MOK: variants seen among roughly 807,000 people sequenced by gnomAD.
The protein encoded by MOK is MOK protein kinase.
MOK carries 59 observed loss-of-function variants against 54.2 expected under a neutral mutation model. The ratio of observed to expected loss-of-function variants is 1.09; its 90% CI spans 0.88 to 1.35. The LOEUF is 1.35. Among genes scored for constraint, MOK ranks in the 40% most tolerant of loss-of-function variants. MOK has a pLI of 0.00. For synonymous variants in MOK, 210 were observed against 202.7 expected (o/e 1.04, Z -0.31); for missense variants, 517 against 526.2 (o/e 0.98, Z 0.17).
chr14:102,292,200 G>A (rs2070831061), intron 1 of MOK, among the ~76,000 whole-genome samples: 1 of 152,060 alleles, frequency 6.6e-6, no homozygotes. Context: ...TAGGCCGGGT[G>A]CGGTGGCTCA....
At chr14:102,302,732 C>G (rs941577573) in intron 1 of MOK, among the ~76,000 whole-genome samples, 7 of 151,498 alleles carry the variant, frequency 4.6e-5, no homozygotes, top group Admixed American at 2.0e-4. Flanking sequence ...GTACATATTT[C>G]TATATAGGTA....
rs1026165275 is a variant in MOK, at chr14:102,229,131, G to C, written c.*158C>G. ...TCCTAGGCAGCTGCGCGGGCCGCGG[G>C]TGCGGCAGGGCGCAGGGCAGCACCC... On this transcript the variant is annotated 3_prime_UTR_variant, in exon 12 of 12. Coordinates refer to ENST00000361847, the MANE Select transcript of MOK (RefSeq NM_014226.3). 8.5e-6 allele frequency: 6 copies of C among 709,670 alleles called. No homozygotes were observed. Among genetic ancestry groups the C allele is most frequent in the East Asian group, 8.3e-5 (3 of 36,012 alleles). 44.0% of individuals were successfully genotyped at this position (709,670 alleles called of 1,614,324 possible).
chr14:102,282,848 T>C (rs960281143), intron 2 of MOK, among the ~76,000 whole-genome samples: 3 of 150,916 alleles, frequency 2.0e-5, no homozygotes, highest in African/African-American at 7.3e-5. Context: ...GGCCAAGGAG[T>C]TCAAGACCAG....
chr14:102,303,952 G>A (rs1244260796), intron 1 of MOK, among the ~76,000 whole-genome samples: 1 of 152,168 alleles, frequency 6.6e-6, no homozygotes, highest in Non-Finnish European at 1.5e-5. Flanking sequence ...TACAAAATAT[G>A]TGCAGTATCA....
chr14:102,218,674 C>A, the MOK span, among the ~76,000 whole-genome samples: 1 of 151,896 alleles, frequency 6.6e-6, no homozygotes, highest in African/African-American at 2.4e-5. Flanking sequence ...GAACTGAAGT[C>A]TCTAGCGGGA....
chr14:102,237,400 C>T (rs1270750577), intron 7 of MOK, among the ~76,000 whole-genome samples: 1 of 152,162 alleles, frequency 6.6e-6, no homozygotes, highest in Non-Finnish European at 1.5e-5. Context: ...CCCTGGGACC[C>T]GGGCTATGAC....
intron 2 of MOK, 56 bp downstream of exon 2, chr14:102,283,422 G>A (rs983737617): frequency 3.5e-6 from 4 of 1,133,260 alleles, no homozygotes; most frequent in East Asian, 2.4e-5. Context: ...TTAAGTTGCC[G>A]TTATTGACTG....
intron 4 of MOK, among the ~76,000 whole-genome samples, chr14:102,255,189 G>C (rs1465118325): frequency 1.3e-5 from 2 of 152,054 alleles, no homozygotes; most frequent in East Asian, 1.9e-4. Context: ...GTGGCGGCAG[G>C]CGCCTTCAAT....
rs2065206899 is a variant in MOK, at chr14:102,236,195, C to A, written c.591-2406G>T. ...AAGTGAAGAACCGCTTGCATTCCCG[C>A]AGCTCCTCAGCCTAGCCGCTGAGGA... On this transcript the variant is annotated intron_variant, in intron 7 of 11. Coordinates refer to ENST00000361847, the MANE Select transcript of MOK (RefSeq NM_014226.3). The surrounding 1 kb of genome is among the most constrained non-coding windows in gnomAD (Gnocchi z 4.5). Among the ~76,000 whole-genome samples the A allele has an allele frequency of 6.6e-6, 1 of 152,266 alleles. No individual in the cohort carries two copies. Among genetic ancestry groups the A allele is most frequent in the African/African-American group, 2.4e-5 (1 of 41,474 alleles).
At chr14:102,223,085 C>T (rs141827130), downstream of MOK, 964 of 516,238 alleles carry the variant, frequency 1.9e-3, 9 homozygotes, top group African/African-American at 0.016. Flanking sequence ...CATTTTAAAC[C>T]GGTCTTTTGG....
chr14:102,260,578 T>C (rs2067306457), intron 4 of MOK: 1 of 152,144 alleles, frequency 6.6e-6, no homozygotes, highest in Non-Finnish European at 1.5e-5. Flanking sequence ...CAAGCACTGT[T>C]GGCCATTCTC....
chr14:102,222,917 C>T, downstream of MOK: 2 of 1,613,366 alleles, frequency 1.2e-6, no homozygotes. The surrounding 1 kb of genome is among the most constrained non-coding windows in gnomAD (Gnocchi z 4.4). Flanking sequence ...TCTCCCGGGA[C>T]TTGGACTCGA....
rs1035713810 is a variant in MOK, at chr14:102,251,923, A to G, written c.356T>C (p.Ile119Thr). The G allele has an allele frequency of 5.6e-6, 9 of 1,600,774 alleles. No homozygotes were observed. The highest frequency in any genetic ancestry group is 7.7e-6 in the Non-Finnish European group (9 of 1,169,842). Residue 119 changes from isoleucine (I) to threonine (T), a missense_variant, in exon 5 of 12, where the codon ATT (isoleucine) becomes ACT (threonine). Transcript: ENST00000361847. Reference sequence around the variant, plus strand: ...CAAATCTCCGAGAGCATACCTGTGAATATGATCCAGGGACTTACATAACTG... The same window carrying G: ...CAAATCTCCGAGAGCATACCTGTGAGTATGATCCAGGGACTTACATAACTG... The part of the protein sequence containing the change: ...MYQLCKSLDH[I>T]HRNGIFHRDV...
Position 102,229,491 on chromosome 14 carries a change from A to C in MOK, c.1148T>G (p.Leu383Arg). The change falls in exon 11 of 12, where the codon CTG (leucine) becomes CGG (arginine). Residue 383 changes from leucine (L) to arginine (R), a missense_variant. Coordinates refer to ENST00000361847, the MANE Select transcript of MOK (RefSeq NM_014226.3). ...CGCAGGGATGCACTTCAAGGGTCTC[A>C]GCACCGGCACTCTTCCATTTGTTCC... is the stretch of plus-strand genomic sequence containing the variant. ...GSGTNGRVPV[L>R]RPLKCIPASK... 1 of 1,614,194 alleles carries C rather than the reference A, an allele frequency of 6.2e-7. No homozygotes were observed. The highest frequency in any genetic ancestry group is 8.5e-7 in the Non-Finnish European group (1 of 1,180,036).
At position 102,235,994 on chromosome 14, in the gene MOK, C is replaced by T. The variant is rs75834621; in HGVS notation, c.591-2205G>A. On this transcript the variant is annotated intron_variant, in intron 7 of 11. Coordinates refer to ENST00000361847, the MANE Select transcript of MOK (RefSeq NM_014226.3). The surrounding 1 kb of genome is among the most constrained non-coding windows in gnomAD (Gnocchi z 4.4). ...AAAAGACCCGATAGCAGCAACCCTCCGGGCCTTGTTTTAAGTGTGGCAAAG... is the reference window on the plus strand; with the variant it reads ...AAAAGACCCGATAGCAGCAACCCTCTGGGCCTTGTTTTAAGTGTGGCAAAG... 0.061 allele frequency among the ~76,000 whole-genome samples: 9,268 copies of T among 152,284 alleles called. 313 individuals carry two copies. Among genetic ancestry groups the T allele is most frequent in the South Asian group, 0.12 (558 of 4,820 alleles).
intron 2 of MOK, among the ~76,000 whole-genome samples, chr14:102,275,397 T>C (rs1266659335): frequency 1.3e-5 from 2 of 152,000 alleles, no homozygotes; most frequent in Non-Finnish European, 2.9e-5. Flanking sequence ...ACCCCGTCTC[T>C]ATTAAAAATA....
At chr14:102,286,024 G>A (rs1048626341) in intron 1 of MOK, among the ~76,000 whole-genome samples, 6 of 152,138 alleles carry the variant, frequency 3.9e-5, no homozygotes, top group African/African-American at 4.8e-5. Flanking sequence ...TCCGGGCCGG[G>A]CGCGGTGGCT....
chr14:102,233,013 T>TA (rs1382675595), intron 8 of MOK: 1 of 213,962 alleles, frequency 4.7e-6, no homozygotes, highest in African/African-American at 2.3e-5. Context: ...AAACTGCTCT[T>TA]AAAAAAATCT....
At chr14:102,234,005 T>C (rs1324615338) in intron 7 of MOK, 3 of 500,160 alleles carry the variant, frequency 6.0e-6, no homozygotes, top group Non-Finnish European at 1.1e-5. Context: ...CCCCGGGATG[T>C]GACCATACCG....
Sources: allele counts gnomAD v4.1 joint callset (sites outside exome capture counted in the v4.1 genomes callset), GRCh38; gene constraint gnomAD v4.1.1; non-coding constraint Gnocchi (gnomAD v3.1); transcripts MANE v1.5; gene names NCBI Gene and HGNC (gene_info 2026-07-23, HGNC 2026-07-21).